TRIM27: variants seen among roughly 807,000 people sequenced by gnomAD.
TRIM27 encodes tripartite motif containing 27, also known as zinc finger protein RFP.
A neutral mutation model predicts 57.6 loss-of-function variants in TRIM27; 12 were observed. The ratio of observed to expected loss-of-function variants is 0.21; its 90% CI spans 0.13 to 0.34. The LOEUF is 0.34. TRIM27 is among the 10% of genes least tolerant of loss of function. TRIM27 has a pLI of 1.00. For synonymous variants in TRIM27, 266 were observed against 259.0 expected, an observed-to-expected ratio of 1.03 and a Z score of -0.26; for missense variants, 403 against 656.8, an observed-to-expected ratio of 0.61 and a Z score of 4.22.
chr6:28,919,941 T>G, intron 3 of TRIM27, 71 bp downstream of exon 3: 1 of 1,433,422 alleles, frequency 7.0e-7, no homozygotes, highest in Non-Finnish European at 9.5e-7. Context: ...GGGTCCTGGA[T>G]ACTACTTGGC....
At chr6:28,909,927 T>C (rs550178109) in intron 4 of TRIM27, among the ~76,000 whole-genome samples, 52 of 152,276 alleles carry the variant, frequency 3.4e-4, no homozygotes, top group African/African-American at 1.2e-3. Context: ...GACTAAGTTC[T>C]GGCCTATGAG....
In TRIM27 at chr6:28,903,941, G is replaced by A. The variant is rs903585638; in HGVS notation, c.*129C>T. 25 of 700,698 alleles carry A rather than the reference G, an allele frequency of 3.6e-5. No individual in the cohort carries two copies. The African/African-American group carries it at 3.9e-4, about 11-fold the overall frequency. The allele number at this position is 700,698 out of a possible 1,614,324, so 43.4% of individuals were successfully genotyped here. A position where few individuals can be genotyped will look rare whatever the true frequency, so the allele number is the denominator to read the frequency against. ...GGATGGTAGAGAACATGGACATCCT[G>A]TCTCCCACTGCAAGGGCGTGGAACA... is the stretch of plus-strand genomic sequence containing the variant. On this transcript the variant is annotated 3_prime_UTR_variant, in exon 8 of 8. Coordinates refer to ENST00000377199, the MANE Select transcript of TRIM27 (RefSeq NM_006510.5).
chr6:28,923,415 T>A lies in TRIM27; in HGVS notation c.218A>T (p.Asn73Ile), dbSNP rs551789847. The change falls in exon 1 of 8, where the codon AAC becomes ATC. Residue 73 changes from asparagine to isoleucine, a missense_variant. By Grantham distance (149) the Asn-to-Ile change is moderately radical (BLOSUM62 -3). Coordinates refer to ENST00000377199, the MANE Select transcript of TRIM27 (RefSeq NM_006510.5). ...CAGCTGCTTTACCAGTTGGGTCACG[T>A]TGGCCAGGTGCCGGTTGGGCCGCAT... ...RHMRPNRHLA[N>I]VTQLVKQLRT... 1.2e-6 allele frequency: 2 copies of A among 1,612,156 alleles called. No homozygotes were observed. The highest frequency in any genetic ancestry group is 1.7e-5 in the Admixed American group (1 of 59,956).
intron 1 of TRIM27, 117 bp downstream of exon 1, chr6:28,923,096 G>A (rs965286298): frequency 5.9e-6 from 7 of 1,188,804 alleles, no homozygotes; most frequent in Non-Finnish European, 8.0e-6. Context: ...AGGAAATGAC[G>A]GCTGTGAACC....
intron 6 of TRIM27, chr6:28,907,708 T>C (rs1240056723): frequency 4.8e-6 from 2 of 414,252 alleles, no homozygotes; most frequent in Non-Finnish European, 9.6e-6. Context: ...AGGCACTTTA[T>C]AGTTGAAACA....
At position 28,920,190 on chromosome 6, in the gene TRIM27, T is replaced by C. The variant is rs1773917018; in HGVS notation, c.569A>G (p.Tyr190Cys). Residue 190 changes from tyrosine (Y) to cysteine (C), a missense_variant, in exon 3 of 8, where the codon TAT (tyrosine) becomes TGT (cysteine). Physicochemically the swap from Tyr to Cys is radical, Grantham distance 194. Coordinates refer to ENST00000377199, the MANE Select transcript of TRIM27 (RefSeq NM_006510.5). ...EKIVWEFEQLYHSLKEHEYRL... is the reference protein window; with the variant it reads ...EKIVWEFEQLCHSLKEHEYRL... ...ATACTCATGCTCCTTTAAGGAGTGATACAGCTGCTCAAACTCCCAAACAAT... is the reference window on the plus strand; with the variant it reads ...ATACTCATGCTCCTTTAAGGAGTGACACAGCTGCTCAAACTCCCAAACAAT... The C allele has an allele frequency of 6.2e-7, 1 of 1,613,830 alleles. No homozygotes were observed. The highest frequency in any genetic ancestry group is 2.2e-5 in the East Asian group (1 of 44,872).
chr6:28,921,863 A>G (rs1455457013), intron 2 of TRIM27, 29 bp downstream of exon 2: 1 of 1,569,312 alleles, frequency 6.4e-7, no homozygotes, highest in Non-Finnish European at 8.8e-7. Context: ...GCACCAGCAG[A>G]ACCAACTGTG....
intron 4 of TRIM27, among the ~76,000 whole-genome samples, chr6:28,910,315 T>C (rs1773105322): frequency 7.0e-6 from 1 of 143,448 alleles, no homozygotes; most frequent in Non-Finnish European, 1.5e-5. Flanking sequence ...ACAGACTACC[T>C]ACCTGCACAT....
intron 4 of TRIM27, among the ~76,000 whole-genome samples, chr6:28,910,246 G>C (rs1318067431): frequency 6.6e-6 from 1 of 151,848 alleles, no homozygotes; most frequent in African/African-American, 2.4e-5. Context: ...AGGGATGGTA[G>C]AACAGTGAAT....
intron 6 of TRIM27, 74 bp from the exon 7 acceptor site, chr6:28,907,336 T>C: frequency 6.8e-7 from 1 of 1,474,894 alleles, no homozygotes; most frequent in South Asian, 1.2e-5. Flanking sequence ...GGGGCTTTGG[T>C]TAGTCATCAT....
In TRIM27 at chr6:28,904,426, C is replaced by A; in HGVS notation, c.1186G>T (p.Gly396Cys). The A allele has an allele frequency of 6.2e-7, 1 of 1,613,068 alleles. No individual in the cohort carries two copies. The highest frequency in any genetic ancestry group is 8.5e-7 in the Non-Finnish European group (1 of 1,180,038). The change falls in exon 8 of 8, where the codon GGT becomes TGT. Residue 396 changes from glycine to cysteine, a missense_variant. Physicochemically the swap from Gly to Cys is radical, Grantham distance 159 (BLOSUM62 -3). Transcript: ENST00000377199. This position sits in a 1 kb window ranked among gnomAD's most constrained non-coding sequence, Gnocchi z 6.1. ...GVCEDSVCRKGGVTSAPQNGF... is the reference protein window; with the variant it reads ...GVCEDSVCRKCGVTSAPQNGF... ...TTCTGGGGGGCTGAGGTTACTCCAC[C>A]TTTTCTGCACACTGAGTCTTCACAG...
Position 28,906,952 on chromosome 6 carries a change from G to A in TRIM27, c.946+284C>T, listed in dbSNP as rs561687173. The A allele has an allele frequency of 1.2e-5, 5 of 431,270 alleles. No homozygotes were observed. In the Admixed American group the frequency reaches 2.0e-4, roughly 18 times the overall value. 26.7% of individuals were successfully genotyped at this position (431,270 alleles called of 1,614,324 possible). ...GGCAGAGCAGTGTACTAGTGTACCA[G>A]CTCTGTTCTACTTTTGGGGAACTGC... On this transcript the variant is annotated intron_variant, in intron 7 of 7. Transcript: ENST00000377199.
At chr6:28,918,212 T>C (rs1022065378) in intron 3 of TRIM27, among the ~76,000 whole-genome samples, 1 of 152,188 alleles carries the variant, frequency 6.6e-6, no homozygotes, top group Non-Finnish European at 1.5e-5. Context: ...TTTGAAAATA[T>C]GTCTAACTTC....
In TRIM27 at chr6:28,920,234, G is replaced by T. The variant is rs532029288; in HGVS notation, c.525C>A (p.Thr175=). 1.8e-5 allele frequency: 29 copies of T among 1,606,722 alleles called. No homozygotes were observed. The South Asian group carries it at 3.1e-4, about 17-fold the overall frequency. Residue 175 remains threonine, a synonymous_variant, in exon 3 of 8, where the codon ACC becomes ACA. Coordinates refer to ENST00000377199, the MANE Select transcript of TRIM27 (RefSeq NM_006510.5). ...AAACAATCTTCTCCCTCTCCATCTG[G>T]GTTAGGCTCTATGCAGACGACAGGG... ...EQARAELLSL[T]QMEREKIVWE...
rs796129723 is a variant in TRIM27, at chr6:28,913,575, ATGAG to A, written c.748-1861_748-1858del. Among the ~76,000 whole-genome samples, 18 of 151,482 alleles carry A rather than the reference ATGAG, an allele frequency of 1.2e-4. 1 individual carries two copies. Among genetic ancestry groups the A allele is most frequent in the African/African-American group, 4.1e-4 (17 of 40,974 alleles). On this transcript the variant is annotated intron_variant, in intron 3 of 7. Coordinates refer to ENST00000377199, the MANE Select transcript of TRIM27 (RefSeq NM_006510.5). ...TGCATTCCTACCAGCCCACTGGCAT[ATGAG>A]TGTCTCTCCGACACTTCGTCAAAAG...
At chr6:28,916,920 T>C (rs967345242) in intron 3 of TRIM27, among the ~76,000 whole-genome samples, 4 of 152,058 alleles carry the variant, frequency 2.6e-5, no homozygotes, top group South Asian at 2.1e-4. Context: ...GGCGGATGGA[T>C]TGCTTGAGCC....
intron 3 of TRIM27, 143 bp from the exon 4 acceptor site, chr6:28,911,861 G>C: frequency 2.6e-6 from 2 of 764,722 alleles, no homozygotes; most frequent in Non-Finnish European, 4.3e-6. Context: ...ACATAACTCA[G>C]TGTTGAGGAG....
intron 3 of TRIM27, among the ~76,000 whole-genome samples, chr6:28,917,406 CGTCTCTATAAA>C (rs1562172228): frequency 4.6e-5 from 7 of 151,624 alleles, no homozygotes; most frequent in Non-Finnish European, 2.9e-5. Context: ...GGTGAAACTC[CGTCTCTATAAA>C]AAATACAAAA....
intron 3 of TRIM27, among the ~76,000 whole-genome samples, chr6:28,918,813 T>C (rs1177708783): frequency 6.6e-6 from 1 of 151,084 alleles, no homozygotes; most frequent in Non-Finnish European, 1.5e-5. Flanking sequence ...GAGGCGGAGG[T>C]TGCAGTGAGC....
Sources: gnomAD v4.1 joint callset for allele counts (sites outside exome capture counted in the v4.1 genomes callset) on GRCh38, gnomAD v4.1.1 for gene constraint, Gnocchi (gnomAD v3.1) non-coding constraint, MANE v1.5 for transcripts, NCBI Gene and HGNC (gene_info 2026-07-23, HGNC 2026-07-21) for gene names.